The following GSG1L variants were observed in gnomAD, a reference collection of about 807,000 sequenced individuals.
GSG1L encodes germ cell-specific gene 1-like protein.
GSG1L carries 24 observed loss-of-function variants against 42.1 expected under a neutral mutation model. The observed-to-expected ratio is 0.57, with a 90% CI of 0.41 to 0.80. GSG1L has a LOEUF of 0.80. GSG1L is among the 30% of genes least tolerant of loss of function. The probability of loss-of-function intolerance (pLI) is 0.00; values close to 1 mark genes in which losing one functional copy is unlikely to be tolerated. For synonymous variants in GSG1L, 215 were observed against 203.5 expected, an observed-to-expected ratio of 1.06 and a Z score of -0.48; for missense variants, 445 against 472.2, an observed-to-expected ratio of 0.94 and a Z score of 0.53.
At chr16:27,881,643 C>T (rs2083956973) in intron 3 of GSG1L, among the ~76,000 whole-genome samples, 2 of 152,112 alleles carry the variant, frequency 1.3e-5, no homozygotes. Context: ...TGGGTCTCAT[C>T]CCCACTACTG....
At chr16:27,888,461 TTTCTCTC>T (rs2084064791) in intron 2 of GSG1L, among the ~76,000 whole-genome samples, 1 of 16,220 alleles carries the variant, frequency 6.2e-5, no homozygotes, top group Non-Finnish European at 2.1e-4. Context: ...TCTTTCTTTC[TTTCTCTC>T]TCTCTCTCTC....
intron 2 of GSG1L, among the ~76,000 whole-genome samples, chr16:27,950,040 G>A (rs2084934098): frequency 6.6e-6 from 1 of 152,184 alleles, no homozygotes; most frequent in Non-Finnish European, 1.5e-5. Flanking sequence ...AGACATGTAT[G>A]ATGATGTTGT....
intron 4 of GSG1L, among the ~76,000 whole-genome samples, chr16:27,830,658 CA>C (rs1182794181): frequency 6.6e-6 from 1 of 152,180 alleles, no homozygotes; most frequent in Non-Finnish European, 1.5e-5. Context: ...AAGTGTCCAG[CA>C]TGTGACTCAC....
chr16:27,889,179 A>G (rs2084093693), intron 2 of GSG1L, among the ~76,000 whole-genome samples: 1 of 152,024 alleles, frequency 6.6e-6, no homozygotes, highest in Non-Finnish European at 1.5e-5. Flanking sequence ...TTGTAGAGAC[A>G]GGGTCTCACT....
At chr16:27,848,586 T>C (rs2083468895) in intron 3 of GSG1L, among the ~76,000 whole-genome samples, 1 of 152,140 alleles carries the variant, frequency 6.6e-6, no homozygotes, top group Admixed American at 6.5e-5. Context: ...GATGTCCTGC[T>C]CTTAACGGGC....
At chr16:28,038,572 A>G (rs536206024) in intron 1 of GSG1L, among the ~76,000 whole-genome samples, 2 of 152,092 alleles carry the variant, frequency 1.3e-5, no homozygotes, top group Non-Finnish European at 2.9e-5. Context: ...AATTGGTACT[A>G]CGGGCGGTGG....
intron 1 of GSG1L, among the ~76,000 whole-genome samples, chr16:28,053,680 T>C (rs1464385001): frequency 6.6e-6 from 1 of 152,126 alleles, no homozygotes; most frequent in Non-Finnish European, 1.5e-5. Flanking sequence ...CTCTCTCCTC[T>C]CCAGCTTCTC....
Position 27,849,789 on chromosome 16 carries a change from G to A in GSG1L, c.551-4728C>T, listed in dbSNP as rs981267046. On this transcript the variant is annotated intron_variant, in intron 3 of 6. Transcript: ENST00000447459. ...GCCTCAAGTGATCCTCCAGCCCAAA[G>A]CACTGGGATTACAGGCGTGAGCCAC... Among the ~76,000 whole-genome samples, 3 of 152,118 alleles carry A rather than the reference G, an allele frequency of 2.0e-5. No individual in the cohort carries two copies. The South Asian group carries it at 6.2e-4, about 32-fold the overall frequency.
intron 6 of GSG1L, among the ~76,000 whole-genome samples, chr16:27,798,303 G>C (rs2082844225): frequency 6.6e-6 from 1 of 152,164 alleles, no homozygotes; most frequent in African/African-American, 2.4e-5. Context: ...AGCTGGGGAG[G>C]GGGCTGGGGG....
chr16:27,907,939 T>C (rs1348210274), intron 2 of GSG1L, among the ~76,000 whole-genome samples: 1 of 152,194 alleles, frequency 6.6e-6, no homozygotes, highest in Non-Finnish European at 1.5e-5. Flanking sequence ...CAATTGCATC[T>C]GCAGCTTCCC....
intron 2 of GSG1L, among the ~76,000 whole-genome samples, chr16:27,911,281 C>CTCTCTCTT: frequency 1.2e-5 from 1 of 85,226 alleles, no homozygotes; most frequent in African/African-American, 4.2e-5. Flanking sequence ...CTCTCTCTCT[C>CTCTCTCTT]TCTCTCTCTC....
At chr16:27,997,816 T>C (rs1214252912) in intron 1 of GSG1L, among the ~76,000 whole-genome samples, 1 of 150,810 alleles carries the variant, frequency 6.6e-6, no homozygotes, top group African/African-American at 2.4e-5. Context: ...TCATACCCAA[T>C]ATGTAGTTTT....
chr16:28,009,675 CT>C (rs1221145782), intron 1 of GSG1L, among the ~76,000 whole-genome samples: 1 of 152,252 alleles, frequency 6.6e-6, no homozygotes, highest in African/African-American at 2.4e-5. Context: ...AGCAAACAGG[CT>C]TCCATGAGGC....
chr16:27,937,471 A>T (rs1205874749), intron 2 of GSG1L, among the ~76,000 whole-genome samples: 1 of 152,046 alleles, frequency 6.6e-6, no homozygotes, highest in African/African-American at 2.4e-5. Context: ...TGAACTCCTG[A>T]CCTCGGGTGA....
intron 2 of GSG1L, among the ~76,000 whole-genome samples, chr16:27,889,081 T>C (rs1252024016): frequency 6.6e-6 from 1 of 152,048 alleles, no homozygotes. Flanking sequence ...ACTCCTGGGC[T>C]CAGGCCATCC....
chr16:27,892,291 C>A (rs2084138608), intron 2 of GSG1L, among the ~76,000 whole-genome samples: 1 of 151,834 alleles, frequency 6.6e-6, no homozygotes. Context: ...CTCATCTCTA[C>A]AAAAATTTTA....
chr16:27,795,431 C>T (rs565683215), intron 6 of GSG1L, among the ~76,000 whole-genome samples: 36 of 152,220 alleles, frequency 2.4e-4, no homozygotes, highest in African/African-American at 8.4e-4. Context: ...TTTTTTAAGC[C>T]GTGTGGCTTC....
At chr16:27,840,901 C>G (rs1299439520) in intron 4 of GSG1L, among the ~76,000 whole-genome samples, 1 of 152,166 alleles carries the variant, frequency 6.6e-6, no homozygotes, top group Non-Finnish European at 1.5e-5. Context: ...GAGGTCCACC[C>G]CAGCCACGCC....
chr16:27,884,425 C>G lies in GSG1L; in HGVS notation c.550+61G>C. 1 of 1,517,224 alleles carries G rather than the reference C, an allele frequency of 6.6e-7. No individual in the cohort carries two copies. The highest frequency in any genetic ancestry group is 1.4e-5 in the African/African-American group (1 of 73,042). 94.0% of individuals were successfully genotyped at this position (1,517,224 alleles called of 1,614,324 possible). A position where few individuals can be genotyped will look rare whatever the true frequency, so the allele number is the denominator to read the frequency against. On this transcript the variant is annotated intron_variant, in intron 3 of 6. Coordinates refer to ENST00000447459, the MANE Select transcript of GSG1L (RefSeq NM_001109763.2). This position sits in a 1 kb window ranked among gnomAD's most constrained non-coding sequence, Gnocchi z 4.4. ...CCGGTTGGTACAACCAGGGCTTACT[C>G]CAAGGGCAGCACCCTTTCTCGCCTG...
Sources: gnomAD v4.1 joint callset for allele counts (sites outside exome capture counted in the v4.1 genomes callset) on GRCh38, gnomAD v4.1.1 for gene constraint, Gnocchi (gnomAD v3.1) non-coding constraint, MANE v1.5 for transcripts, NCBI Gene and HGNC (gene_info 2026-07-23, HGNC 2026-07-21) for gene names.